Variants in COL24A1 observed in about 807,000 individuals in gnomAD.
COL24A1 encodes collagen type XXIV alpha 1 chain, also known as collagen alpha-1(XXIV) chain.
COL24A1 carries 224 observed loss-of-function variants against 253.9 expected under a neutral mutation model. The observed-to-expected ratio is 0.88, with a 90% CI of 0.79 to 0.99. The LOEUF is 0.99. Among genes scored for constraint, COL24A1 ranks in the 50% least tolerant of loss-of-function variants. The probability of loss-of-function intolerance (pLI) is 0.00; values close to 1 mark genes in which losing one functional copy is unlikely to be tolerated. For synonymous variants in COL24A1, 685 were observed against 673.7 expected, an observed-to-expected ratio of 1.02 and a Z score of -0.26; for missense variants, 2,131 against 2,068.5, an observed-to-expected ratio of 1.03 and a Z score of -0.59.
intron 22 of COL24A1, 31 bp downstream of exon 22, chr1:85,970,196 A>C (rs752271112): frequency 3.2e-6 from 5 of 1,544,264 alleles, no homozygotes. Context: ...CAAGAAAAGC[A>C]CTTATGGAAA....
chr1:86,107,508 A>AATTTATTTATTTATTT (rs57193756), intron 5 of COL24A1, among the ~76,000 whole-genome samples: 3 of 145,066 alleles, frequency 2.1e-5, no homozygotes, highest in Non-Finnish European at 3.0e-5. Context: ...ACACAATGGT[A>AATTTATTTATTTATTT]ATTTATTTAT....
intron 7 of COL24A1, among the ~76,000 whole-genome samples, chr1:86,077,857 G>A (rs1466361203): frequency 6.6e-6 from 1 of 152,016 alleles, no homozygotes; most frequent in Non-Finnish European, 1.5e-5. Flanking sequence ...GGCTGGGGAG[G>A]GCTAGCATTA....
Position 86,089,178 on chromosome 1 carries a change from T to C in COL24A1, c.1703A>G (p.Asp568Gly), listed in dbSNP as rs1703301470. The change falls in exon 7 of 60, where the codon GAT becomes GGT. Residue 568 changes from aspartate (D) to glycine (G), a missense_variant. Asp to Gly is a moderately conservative substitution (Grantham distance 94). Coordinates refer to ENST00000370571, the MANE Select transcript of COL24A1 (RefSeq NM_152890.7). ...AGAAGTAAAATTCCAACTTACCTTA[T>C]CACCTTGCATACCAGGGGGGCCCAT... ...GLMGPPGMQG[D>G]KGLKGHPGLP... The C allele has an allele frequency of 3.2e-6, 5 of 1,576,872 alleles. No homozygotes were observed. The highest frequency in any genetic ancestry group is 4.2e-5 in the Admixed American group (2 of 47,434).
chr1:85,817,039 T>C, intron 46 of COL24A1, 144 bp from the exon 47 acceptor site: 1 of 622,332 alleles, frequency 1.6e-6, no homozygotes, highest in Non-Finnish European at 2.8e-6. Context: ...GATTCCTTAA[T>C]GATTTACTAT....
chr1:85,963,252 A>G (rs147150089), intron 23 of COL24A1, among the ~76,000 whole-genome samples: 1 of 152,170 alleles, frequency 6.6e-6, no homozygotes, highest in Non-Finnish European at 1.5e-5. Context: ...AATAGTAAAG[A>G]ATGAAGCACA....
At chr1:85,912,156 C>A (rs1270427437) in intron 24 of COL24A1, among the ~76,000 whole-genome samples, 1 of 152,020 alleles carries the variant, frequency 6.6e-6, no homozygotes, top group African/African-American at 2.4e-5. Context: ...AAGAGGCCAG[C>A]CAGCCAAAGA....
intron 57 of COL24A1, among the ~76,000 whole-genome samples, chr1:85,744,268 C>T (rs1023310853): frequency 6.6e-6 from 1 of 151,930 alleles, no homozygotes; most frequent in African/African-American, 2.4e-5. Flanking sequence ...ATTTAAATTC[C>T]ATTTTGTATT....
At chr1:85,917,563 C>T (rs1302857520) in intron 24 of COL24A1, among the ~76,000 whole-genome samples, 1 of 146,364 alleles carries the variant, frequency 6.8e-6, no homozygotes, top group Non-Finnish European at 1.5e-5. Context: ...ATGTTTTGGG[C>T]TTTTTCTGTG....
At chr1:86,008,296 G>A (rs900242591) in intron 19 of COL24A1, among the ~76,000 whole-genome samples, 2 of 151,964 alleles carry the variant, frequency 1.3e-5, no homozygotes, top group African/African-American at 4.8e-5. Flanking sequence ...CCAGGCTGGA[G>A]TGCAGTGGTG....
At chr1:85,860,668 C>T (rs2102435542) in intron 37 of COL24A1, among the ~76,000 whole-genome samples, 1 of 152,246 alleles carries the variant, frequency 6.6e-6, no homozygotes, top group African/African-American at 2.4e-5. Flanking sequence ...GTGAACCTGG[C>T]AGGTGGAGCT....
intron 47 of COL24A1, among the ~76,000 whole-genome samples, chr1:85,795,779 T>C (rs1048523294): frequency 5.9e-5 from 9 of 152,120 alleles, no homozygotes; most frequent in Non-Finnish European, 8.8e-5. Flanking sequence ...AAATATAATA[T>C]CCTAGATTAT....
intron 24 of COL24A1, among the ~76,000 whole-genome samples, chr1:85,938,327 GGAACACATTTTCACCAAGT>G (rs1300569475): frequency 1.4e-5 from 2 of 146,400 alleles, no homozygotes; most frequent in Non-Finnish European, 3.0e-5. Flanking sequence ...GTCCTCAAAG[GGAACACATTTTCACCAAGT>G]GACACAGTGA....
chr1:85,802,882 T>A (rs1242226657), intron 47 of COL24A1, among the ~76,000 whole-genome samples: 1 of 152,234 alleles, frequency 6.6e-6, no homozygotes, highest in Non-Finnish European at 1.5e-5. Context: ...GATTCATTCA[T>A]GTTGAAGCAT....
intron 55 of COL24A1, among the ~76,000 whole-genome samples, chr1:85,757,767 G>T (rs892611586): frequency 6.6e-6 from 1 of 152,034 alleles, no homozygotes; most frequent in Non-Finnish European, 1.5e-5. Context: ...AGAAAGGCAG[G>T]GTCAGAGAAA....
chr1:85,755,153 G>A (rs565474676), intron 55 of COL24A1, among the ~76,000 whole-genome samples: 7 of 152,074 alleles, frequency 4.6e-5, no homozygotes, highest in African/African-American at 1.7e-4. Flanking sequence ...ATATATTCAG[G>A]GTGCTAAAAG....
chr1:86,140,291 C>A (rs1331609032), intron 2 of COL24A1, among the ~76,000 whole-genome samples: 1 of 152,178 alleles, frequency 6.6e-6, no homozygotes, highest in Non-Finnish European at 1.5e-5. Context: ...AAGATGCTGG[C>A]TCTGGAACAC....
At chr1:86,110,340 C>A (rs1056859272) in intron 5 of COL24A1, among the ~76,000 whole-genome samples, 1 of 147,108 alleles carries the variant, frequency 6.8e-6, no homozygotes, top group African/African-American at 2.5e-5. Context: ...TTCTTCCATA[C>A]GTTTTCCTAT....
intron 47 of COL24A1, among the ~76,000 whole-genome samples, chr1:85,814,083 C>G (rs1056716969): frequency 6.6e-6 from 1 of 152,130 alleles, no homozygotes; most frequent in African/African-American, 2.4e-5. Context: ...TTAGCTGATT[C>G]TGTAAGCAAC....
At chr1:86,070,602 T>C (rs978175155) in intron 7 of COL24A1, among the ~76,000 whole-genome samples, 22 of 151,872 alleles carry the variant, frequency 1.4e-4, no homozygotes, top group Non-Finnish European at 2.1e-4. Flanking sequence ...AAGAAACAAA[T>C]AACATACTAT....
Sources: gnomAD v4.1 joint callset for allele counts (sites outside exome capture counted in the v4.1 genomes callset) on GRCh38, gnomAD v4.1.1 for gene constraint, MANE v1.5 for transcripts, NCBI Gene and HGNC (gene_info 2026-07-23, HGNC 2026-07-21) for gene names.